The following NELL1 variants were observed in gnomAD, a reference collection of about 807,000 sequenced individuals.
The protein encoded by NELL1 is neural EGFL like 1.
Under a neutral mutation model 107.4 loss-of-function variants are expected in NELL1, and 76 were observed. The ratio of observed to expected loss-of-function variants is 0.71; its 90% CI spans 0.59 to 0.86. The LOEUF is 0.86. NELL1 is among the 40% of genes least tolerant of loss of function. The probability of loss-of-function intolerance (pLI) is 0.00; values close to 1 mark genes in which losing one functional copy is unlikely to be tolerated. For synonymous variants in NELL1, 353 were observed against 341.2 expected (o/e 1.03, Z -0.38); for missense variants, 1,024 against 1,005.5 (o/e 1.02, Z -0.25).
chr11:21,235,110 T>C (rs1858171949), intron 14 of NELL1, among the ~76,000 whole-genome samples: 1 of 152,128 alleles, frequency 6.6e-6, no homozygotes, highest in Non-Finnish European at 1.5e-5. Flanking sequence ...GTTAATGTAA[T>C]GAGGAAGAAT....
At chr11:20,936,869 G>C (rs906981127) in intron 9 of NELL1, among the ~76,000 whole-genome samples, 3 of 152,144 alleles carry the variant, frequency 2.0e-5, no homozygotes, top group Admixed American at 6.6e-5. Flanking sequence ...GCTCTGAAAG[G>C]TGAGGTGGTT....
At chr11:21,488,249 T>C (rs1854694871) in intron 15 of NELL1, among the ~76,000 whole-genome samples, 2 of 151,804 alleles carry the variant, frequency 1.3e-5, no homozygotes. Context: ...AATAGAACAT[T>C]CTCCAGGATA....
At chr11:21,145,741 T>G (rs1855964611) in intron 13 of NELL1, among the ~76,000 whole-genome samples, 1 of 152,320 alleles carries the variant, frequency 6.6e-6, no homozygotes, top group Non-Finnish European at 1.5e-5. Flanking sequence ...ACCTGCCCTC[T>G]GTTAACTTAG....
chr11:20,838,341 T>C (rs66493706), intron 3 of NELL1, among the ~76,000 whole-genome samples: 16,196 of 148,426 alleles, frequency 0.11, 1,313 homozygotes, highest in East Asian at 0.33. Context: ...TATCGTAGCA[T>C]CCTAGATAAG....
At chr11:20,955,099 C>A (rs1851143840) in intron 11 of NELL1, among the ~76,000 whole-genome samples, 1 of 152,176 alleles carries the variant, frequency 6.6e-6, no homozygotes, top group Admixed American at 6.5e-5. Context: ...CCAGGCTCCT[C>A]CTCTGGAAGA....
At chr11:21,555,057 C>A (rs1856673573) in intron 16 of NELL1, among the ~76,000 whole-genome samples, 1 of 151,886 alleles carries the variant, frequency 6.6e-6, no homozygotes, top group African/African-American at 2.4e-5. Flanking sequence ...ACTATAAAGT[C>A]AATACTTACA....
chr11:21,300,351 A>G lies in NELL1; in HGVS notation c.1550-70502A>G, dbSNP rs116873705. The stretch of plus-strand genomic sequence containing the variant: ...AGAGGAGAAGGAGGAAGGTAATGAA[A>G]TGAAAAAGGAAGGTAGGGACAAGTG... On this transcript the variant is annotated intron_variant, in intron 14 of 19. Coordinates refer to ENST00000357134, the MANE Select transcript of NELL1 (RefSeq NM_006157.5). 2.1e-3 allele frequency among the ~76,000 whole-genome samples: 316 copies of G among 152,106 alleles called. 8 individuals are homozygous for G. The East Asian group carries it at 0.038, about 18-fold the overall frequency.
In NELL1 at chr11:20,678,066, G is replaced by T; in HGVS notation, c.184+6G>T. 6.2e-7 allele frequency: 1 copy of T among 1,614,034 alleles called. No individual in the cohort carries two copies. The highest frequency in any genetic ancestry group is 1.3e-5 in the African/African-American group (1 of 75,036). ...CAAAGCATTTTTATTTCAAGGTAAAGGCACCTCCTTTCTTGCATGGTGGCA... is the reference window on the plus strand; with the variant it reads ...CAAAGCATTTTTATTTCAAGGTAAATGCACCTCCTTTCTTGCATGGTGGCA... On this transcript the variant is annotated splice_donor_region_variant and intron_variant, in intron 2 of 19. Coordinates refer to ENST00000357134, the MANE Select transcript of NELL1 (RefSeq NM_006157.5).
intron 2 of NELL1, among the ~76,000 whole-genome samples, chr11:20,706,521 G>C (rs1402208250): frequency 2.7e-5 from 4 of 146,870 alleles, no homozygotes; most frequent in Non-Finnish European, 6.0e-5. Flanking sequence ...ACTGTTGTGG[G>C]GTTGGGGGGG....
At chr11:21,228,877 A>G (rs1269368724) in intron 13 of NELL1, among the ~76,000 whole-genome samples, 1 of 151,560 alleles carries the variant, frequency 6.6e-6, no homozygotes, top group East Asian at 1.9e-4. Context: ...TGCACATTGT[A>G]CAATGCTTAG....
intron 15 of NELL1, among the ~76,000 whole-genome samples, chr11:21,411,047 G>A (rs2133810173): frequency 6.6e-6 from 1 of 152,140 alleles, no homozygotes; most frequent in Non-Finnish European, 1.5e-5. Flanking sequence ...GATTCCACAA[G>A]TTCAAATACT....
chr11:21,060,599 A>G (rs1049947137), intron 12 of NELL1, among the ~76,000 whole-genome samples: 14 of 152,222 alleles, frequency 9.2e-5, no homozygotes, highest in African/African-American at 3.4e-4. Context: ...AGTTGGGAGA[A>G]GTAGAGTACA....
At chr11:21,123,068 G>A (rs1855406306) in intron 13 of NELL1, among the ~76,000 whole-genome samples, 1 of 152,068 alleles carries the variant, frequency 6.6e-6, no homozygotes, top group African/African-American at 2.4e-5. Context: ...ATGTCCCAGA[G>A]TCAGAAGGGA....
chr11:20,888,305 C>T (rs538805574), intron 5 of NELL1, among the ~76,000 whole-genome samples: 6 of 151,914 alleles, frequency 3.9e-5, no homozygotes, highest in South Asian at 4.2e-4. Context: ...AAAAAGTTTA[C>T]GTATCTGTTT....
chr11:21,290,088 G>T lies in NELL1; in HGVS notation c.1549+60634G>T, dbSNP rs560091958. Among the ~76,000 whole-genome samples the T allele has an allele frequency of 1.1e-3, 164 of 152,244 alleles. 2 individuals carry two copies. The highest frequency in any genetic ancestry group is 1.4e-3 in the Non-Finnish European group (96 of 68,028). On this transcript the variant is annotated intron_variant, in intron 14 of 19. Transcript: ENST00000357134. ...AGCTTAAGCAGATTTAAATATTCCG[G>T]GCTGGACGCGGTGGCTCACGCCTGT...
chr11:21,301,157 G>A lies in NELL1; in HGVS notation c.1550-69696G>A, dbSNP rs1036135106. 3.9e-5 allele frequency among the ~76,000 whole-genome samples: 6 copies of A among 152,258 alleles called. No individual in the cohort carries two copies. The South Asian group carries it at 6.2e-4, about 16-fold the overall frequency. On this transcript the variant is annotated intron_variant, in intron 14 of 19. Coordinates refer to ENST00000357134, the MANE Select transcript of NELL1 (RefSeq NM_006157.5). ...TCCAGTCTGTCATTGATGGACATTT[G>A]AGTTGGTTCCAAGTCTTTGCTATTG...
intron 2 of NELL1, among the ~76,000 whole-genome samples, chr11:20,690,202 G>A (rs1256254426): frequency 2.0e-5 from 3 of 152,144 alleles, no homozygotes; most frequent in East Asian, 3.9e-4. Context: ...AGATGAGTAG[G>A]TTGTGAAAAT....
At chr11:21,148,659 C>A (rs1856041109) in intron 13 of NELL1, among the ~76,000 whole-genome samples, 1 of 152,068 alleles carries the variant, frequency 6.6e-6, no homozygotes, top group Non-Finnish European at 1.5e-5. Flanking sequence ...GGAAACAACC[C>A]CCCTGCACAC....
intron 15 of NELL1, among the ~76,000 whole-genome samples, chr11:21,413,908 AT>A (rs1176755681): frequency 6.6e-6 from 1 of 152,078 alleles, no homozygotes; most frequent in Non-Finnish European, 1.5e-5. Flanking sequence ...TGTAAACAAC[AT>A]TCTGGTTTAT....
Sources: allele counts gnomAD v4.1 joint callset (sites outside exome capture counted in the v4.1 genomes callset), GRCh38; gene constraint gnomAD v4.1.1; transcripts MANE v1.5; gene names NCBI Gene and HGNC (gene_info 2026-07-23, HGNC 2026-07-21).